Variants in MAGI2 observed in about 807,000 individuals in gnomAD.
MAGI2 encodes the protein membrane-associated guanylate kinase, WW and PDZ domain-containing protein 2.
A neutral mutation model predicts 133.3 loss-of-function variants in MAGI2; 35 were observed. That is an observed-to-expected ratio of 0.26 (90% CI 0.20 to 0.35). The LOEUF is 0.35. Among genes scored for constraint, MAGI2 ranks in the 10% least tolerant of loss-of-function variants. The pLI, the probability that MAGI2 is intolerant of heterozygous loss-of-function variation, is 1.00. For synonymous variants in MAGI2, 729 were observed against 710.6 expected (o/e 1.03, Z -0.41); for missense variants, 1,636 against 1,863.4 (o/e 0.88, Z 2.25).
At chr7:78,036,704 T>C (rs757861) in intron 21 of MAGI2, among the ~76,000 whole-genome samples, 88,080 of 151,884 alleles carry the variant, frequency 0.58, 26,954 homozygotes, top group African/African-American at 0.78. Context: ...GCAGCCTCAA[T>C]CTCCTGGGCT....
intron 2 of MAGI2, chr7:78,939,759 A>C (rs1367539714): frequency 1.3e-5 from 2 of 152,186 alleles, no homozygotes; most frequent in Non-Finnish European, 2.9e-5. Context: ...AAACAGTATC[A>C]TGTTTCTTGC....
At chr7:78,235,044 T>C (rs1790385854) in intron 10 of MAGI2, among the ~76,000 whole-genome samples, 1 of 152,216 alleles carries the variant, frequency 6.6e-6, no homozygotes, top group Non-Finnish European at 1.5e-5. Flanking sequence ...TATTGTATAC[T>C]GGTTATTTTT....
chr7:79,216,514 T>TA (rs780092767), intron 1 of MAGI2, among the ~76,000 whole-genome samples: 2 of 152,092 alleles, frequency 1.3e-5, no homozygotes, highest in South Asian at 4.2e-4. Flanking sequence ...TGCACTGTAA[T>TA]ACAGGCCCAC....
At chr7:78,647,463 T>C (rs543953599) in intron 2 of MAGI2, among the ~76,000 whole-genome samples, 5 of 152,226 alleles carry the variant, frequency 3.3e-5, no homozygotes, top group African/African-American at 7.2e-5. Flanking sequence ...TCATGCCCGT[T>C]AGAATGGTGA....
chr7:79,247,042 A>G (rs1470539171), intron 1 of MAGI2, among the ~76,000 whole-genome samples: 1 of 152,214 alleles, frequency 6.6e-6, no homozygotes, highest in African/African-American at 2.4e-5. Flanking sequence ...TCTAGAATAA[A>G]ATATCCAGTA....
intron 1 of MAGI2, among the ~76,000 whole-genome samples, chr7:79,106,596 T>C (rs1818472748): frequency 6.6e-6 from 1 of 152,190 alleles, no homozygotes; most frequent in African/African-American, 2.4e-5. Flanking sequence ...CTAAGAGTCT[T>C]ACAAACAGTA....
rs566643715 is a variant in MAGI2 at position 79,003,903 on chromosome 7, A to G, written c.418+3187T>C. Among the ~76,000 whole-genome samples the G allele has an allele frequency of 1.1e-3, 163 of 152,342 alleles. 1 individual carries two copies. Among genetic ancestry groups the G allele is most frequent in the Admixed American group, 2.4e-3 (37 of 15,302 alleles). On this transcript the variant is annotated intron_variant, in intron 2 of 21. Coordinates refer to ENST00000354212, the MANE Select transcript of MAGI2 (RefSeq NM_012301.4). ...GTGCAAATCAAAACCACAATGAGATATCATCTTACTCCAGTTAGAATGTCT... is the reference window on the plus strand; with the variant it reads ...GTGCAAATCAAAACCACAATGAGATGTCATCTTACTCCAGTTAGAATGTCT...
chr7:78,407,690 A>T (rs1797515282), intron 6 of MAGI2, among the ~76,000 whole-genome samples: 2 of 151,618 alleles, frequency 1.3e-5, no homozygotes. Context: ...GTATTTACTC[A>T]ATATTATTGG....
intron 10 of MAGI2, among the ~76,000 whole-genome samples, chr7:78,226,320 TAAA>T (rs5885045): frequency 1.4e-4 from 20 of 141,826 alleles, no homozygotes; most frequent in Non-Finnish European, 1.4e-4. Context: ...TACAAATGTT[TAAA>T]AAAAAAAAAA....
At chr7:79,273,119 C>T (rs929080870) in intron 1 of MAGI2, among the ~76,000 whole-genome samples, 27 of 152,036 alleles carry the variant, frequency 1.8e-4, no homozygotes, top group East Asian at 3.9e-4. Flanking sequence ...TTTAGTTAAA[C>T]GTATCTCTCA....
intron 6 of MAGI2, among the ~76,000 whole-genome samples, chr7:78,474,087 A>ACT: frequency 6.6e-6 from 1 of 152,010 alleles, no homozygotes; most frequent in Non-Finnish European, 1.5e-5. Context: ...GGTGTGTTTT[A>ACT]GGCTTTACAG....
intron 2 of MAGI2, among the ~76,000 whole-genome samples, chr7:78,922,909 A>C (rs574071403): frequency 4.6e-5 from 7 of 151,480 alleles, no homozygotes; most frequent in South Asian, 2.1e-4. Flanking sequence ...ATGGTATCTC[A>C]TTGTGGTTTT....
At chr7:79,016,883 G>T (rs1208199293) in intron 1 of MAGI2, among the ~76,000 whole-genome samples, 1 of 152,226 alleles carries the variant, frequency 6.6e-6, no homozygotes, top group African/African-American at 2.4e-5. Context: ...CTACGTTAAT[G>T]CATGAACACA....
chr7:78,215,724 G>A (rs565620629), intron 10 of MAGI2, among the ~76,000 whole-genome samples: 1 of 152,158 alleles, frequency 6.6e-6, no homozygotes, highest in South Asian at 2.1e-4. Context: ...GGAGGAAAAG[G>A]GGGTAGCAAG....
At chr7:78,979,924 C>T (rs1328779552) in intron 2 of MAGI2, among the ~76,000 whole-genome samples, 2 of 151,888 alleles carry the variant, frequency 1.3e-5, no homozygotes, top group African/African-American at 2.4e-5. Flanking sequence ...TTTGAAAAAT[C>T]ATAACACTTC....
At chr7:78,300,725 A>C (rs1389048040) in intron 9 of MAGI2, among the ~76,000 whole-genome samples, 2 of 152,240 alleles carry the variant, frequency 1.3e-5, no homozygotes, top group East Asian at 1.9e-4. Context: ...CATGGCAGAA[A>C]TATTTTACAT....
intron 3 of MAGI2, among the ~76,000 whole-genome samples, chr7:78,619,297 T>C (rs1264452711): frequency 6.6e-6 from 1 of 151,878 alleles, no homozygotes; most frequent in Non-Finnish European, 1.5e-5. Context: ...CATCACAGTT[T>C]CAGAACCCTA....
chr7:78,543,765 A>G (rs563605289), intron 3 of MAGI2, among the ~76,000 whole-genome samples: 1 of 152,238 alleles, frequency 6.6e-6, no homozygotes, highest in Non-Finnish European at 1.5e-5. Context: ...GTGCTCGGAA[A>G]AGAAATCCAA....
At chr7:79,390,428 A>G (rs10228881) in intron 1 of MAGI2, among the ~76,000 whole-genome samples, 5,948 of 152,306 alleles carry the variant, frequency 0.039, 373 homozygotes, top group African/African-American at 0.13. Flanking sequence ...TAAATAAAAC[A>G]TTAAAGCAAA....
Sources: allele counts gnomAD v4.1 joint callset (sites outside exome capture counted in the v4.1 genomes callset), GRCh38; gene constraint gnomAD v4.1.1; transcripts MANE v1.5; gene names NCBI Gene and HGNC (gene_info 2026-07-23, HGNC 2026-07-21).